The following ZRANB3 variants were observed in gnomAD, a reference collection of about 807,000 sequenced individuals.
ZRANB3 encodes DNA annealing helicase and endonuclease ZRANB3.
ZRANB3 carries 125 observed loss-of-function variants against 133.8 expected under a neutral mutation model. The ratio of observed to expected loss-of-function variants is 0.93; its 90% CI spans 0.81 to 1.08. The LOEUF (loss-of-function observed/expected upper bound fraction) is 1.08. Ranked by LOEUF, ZRANB3 falls within the 50% of genes least tolerant of loss-of-function variation. The pLI, the probability that ZRANB3 is intolerant of heterozygous loss-of-function variation, is 0.00. For synonymous variants in ZRANB3, 387 were observed against 432.7 expected, an observed-to-expected ratio of 0.89 and a Z score of 1.31; for missense variants, 1,229 against 1,275.5, an observed-to-expected ratio of 0.96 and a Z score of 0.56.
chr2:135,326,018 G>A (rs547433753), intron 6 of ZRANB3, among the ~76,000 whole-genome samples: 115 of 152,122 alleles, frequency 7.6e-4, no homozygotes, highest in Non-Finnish European at 1.1e-3. Context: ...AATAAAACAA[G>A]GAAATAAAAG....
At chr2:135,503,198 G>A (rs915207554) in intron 2 of ZRANB3, among the ~76,000 whole-genome samples, 11 of 152,132 alleles carry the variant, frequency 7.2e-5, no homozygotes, top group African/African-American at 1.9e-4. Flanking sequence ...AAACAAATAC[G>A]AATTCTGGTT....
At chr2:135,402,947 C>T (rs1449886211) in intron 2 of ZRANB3, among the ~76,000 whole-genome samples, 3 of 152,092 alleles carry the variant, frequency 2.0e-5, no homozygotes, top group African/African-American at 7.2e-5. Context: ...CATTCTTCCA[C>T]TGCTATAAAC....
At chr2:135,398,549 TGC>T (rs1687601120) in intron 2 of ZRANB3, among the ~76,000 whole-genome samples, 1 of 133,348 alleles carries the variant, frequency 7.5e-6, no homozygotes. Context: ...GATGGAGTCT[TGC>T]TCTGTCGCCC....
rs139767616 is a variant in ZRANB3 at position 135,341,763 on chromosome 2, G to A, written c.677+3787C>T. Among the ~76,000 whole-genome samples the A allele has an allele frequency of 1.7e-4, 26 of 150,164 alleles. 5 individuals are homozygous for A. The highest frequency in any genetic ancestry group is 6.3e-4 in the African/African-American group (25 of 39,502). ...GGGGGGCCTCTAAAATGGCCGCTCT[G>A]GGAGTGTCTGCCTTATGCAGTTGTA... On this transcript the variant is annotated intron_variant, in intron 6 of 20. Transcript: ENST00000264159.
At chr2:135,229,787 T>A (rs1292768407) in intron 13 of ZRANB3, among the ~76,000 whole-genome samples, 1 of 152,134 alleles carries the variant, frequency 6.6e-6, no homozygotes, top group Admixed American at 6.5e-5. Context: ...TTTATTACTA[T>A]AAAAATGCTC....
intron 6 of ZRANB3, among the ~76,000 whole-genome samples, chr2:135,331,731 T>G (rs1174661372): frequency 6.6e-6 from 1 of 152,172 alleles, no homozygotes; most frequent in Non-Finnish European, 1.5e-5. Context: ...ATCTGGGTGC[T>G]CCTGTATTGG....
chr2:135,391,579 TTTC>T (rs1022064845), intron 2 of ZRANB3, among the ~76,000 whole-genome samples: 1 of 149,262 alleles, frequency 6.7e-6, no homozygotes, highest in Non-Finnish European at 1.5e-5. Context: ...TTTTTATTTC[TTTC>T]TTTTTTTTTT....
rs758995442 is a variant in ZRANB3, at chr2:135,217,647, G to A, written c.2353-40C>T. On this transcript the variant is annotated intron_variant, in intron 16 of 20. Transcript: ENST00000264159. ...GATAATAAGAGTTAACAGCTCACAGGCAGATATCTTCCTTTGAATGTGAGC... is the reference window on the plus strand; with the variant it reads ...GATAATAAGAGTTAACAGCTCACAGACAGATATCTTCCTTTGAATGTGAGC... 3 of 1,592,952 alleles carry A rather than the reference G, an allele frequency of 1.9e-6. No homozygotes were observed. In the African/African-American group the frequency reaches 4.1e-5, roughly 22 times the overall value.
At chr2:135,298,322 C>T (rs1484183125) in intron 8 of ZRANB3, among the ~76,000 whole-genome samples, 3 of 152,264 alleles carry the variant, frequency 2.0e-5, no homozygotes, top group African/African-American at 7.2e-5. Context: ...TTTTCTGGCA[C>T]TTCAGATTTC....
chr2:135,260,597 A>T (rs1316136945), intron 12 of ZRANB3, among the ~76,000 whole-genome samples: 2 of 148,006 alleles, frequency 1.4e-5, no homozygotes, highest in Non-Finnish European at 1.5e-5. Flanking sequence ...ATATTCAAGT[A>T]TATATAGTAT....
chr2:135,304,674 A>T (rs1682590782), intron 8 of ZRANB3, among the ~76,000 whole-genome samples: 1 of 151,996 alleles, frequency 6.6e-6, no homozygotes, highest in Non-Finnish European at 1.5e-5. Context: ...GAGGCCTCAA[A>T]TTTTCATTAT....
chr2:135,295,399 C>A (rs1344486998), intron 8 of ZRANB3, among the ~76,000 whole-genome samples: 3 of 152,020 alleles, frequency 2.0e-5, no homozygotes, highest in Non-Finnish European at 2.9e-5. Flanking sequence ...AGGATTGCAA[C>A]CCCTGCCTTT....
intron 2 of ZRANB3, among the ~76,000 whole-genome samples, chr2:135,420,575 T>C (rs1419507101): frequency 6.6e-6 from 1 of 152,114 alleles, no homozygotes; most frequent in Non-Finnish European, 1.5e-5. Context: ...ATGGGGCTAA[T>C]TGTCTTTGAG....
At chr2:135,495,204 C>A (rs115073775) in intron 2 of ZRANB3, among the ~76,000 whole-genome samples, 3 of 151,588 alleles carry the variant, frequency 2.0e-5, no homozygotes, top group African/African-American at 7.3e-5. Flanking sequence ...CTCCAGCCTA[C>A]GTGACAGAGT....
At position 135,315,447 on chromosome 2, in the gene ZRANB3, A is replaced by T. The variant is rs1461663365; in HGVS notation, c.761T>A (p.Ile254Asn). ...ELHQLLSDIM[I>N]RRLKTEVLTQ... ...TAAAACTTCAGTCTTTAATCTTCTA[A>T]TCATTATGTCACTTAATAGCTGGTG... The change falls in exon 7 of 21, where the codon ATT becomes AAT. Residue 254 changes from isoleucine (I) to asparagine (N), a missense_variant. By Grantham distance (149) the Ile-to-Asn change is moderately radical (BLOSUM62 -3). Transcript: ENST00000264159. 1 of 1,602,162 alleles carries T rather than the reference A, an allele frequency of 6.2e-7. No homozygotes were observed. Among genetic ancestry groups the T allele is most frequent in the African/African-American group, 1.3e-5 (1 of 74,350 alleles).
intron 2 of ZRANB3, among the ~76,000 whole-genome samples, chr2:135,447,185 C>T (rs1338572190): frequency 6.6e-5 from 10 of 152,066 alleles, no homozygotes; most frequent in East Asian, 5.8e-4. Flanking sequence ...GGATTACAGG[C>T]GCGCCACCAA....
At chr2:135,271,673 A>G in intron 10 of ZRANB3, 95 bp downstream of exon 10, 1 of 1,395,168 alleles carries the variant, frequency 7.2e-7, no homozygotes, top group South Asian at 1.5e-5. Flanking sequence ...ATCCAGATAC[A>G]AAGTTACAAG....
intron 2 of ZRANB3, among the ~76,000 whole-genome samples, chr2:135,486,567 T>C (rs777557940): frequency 3.9e-4 from 59 of 152,002 alleles, no homozygotes; most frequent in Non-Finnish European, 7.2e-4. Flanking sequence ...TAGGTTGAAG[T>C]GCAGTGGTGT....
chr2:135,476,050 C>T (rs1366793655), intron 2 of ZRANB3, among the ~76,000 whole-genome samples: 1 of 151,894 alleles, frequency 6.6e-6, no homozygotes, highest in African/African-American at 2.4e-5. Context: ...TGTACTCCAG[C>T]CTGGACAACA....
Sources: gnomAD v4.1 joint callset for allele counts (sites outside exome capture counted in the v4.1 genomes callset) on GRCh38, gnomAD v4.1.1 for gene constraint, MANE v1.5 for transcripts, NCBI Gene and HGNC (gene_info 2026-07-23, HGNC 2026-07-21) for gene names.